SPMIP7: variants seen among roughly 807,000 people sequenced by gnomAD.
The protein encoded by SPMIP7 is sperm microtubule inner protein 7.
the SPMIP7 span, chr7:50,096,083 G>T: frequency 6.8e-7 from 1 of 1,463,836 alleles, no homozygotes; most frequent in Non-Finnish European, 9.0e-7. Context: ...AAAGAAAAAG[G>T]CCATGGATGT....
At chr7:50,111,274 A>C in the SPMIP7 span, among the ~76,000 whole-genome samples, 1 of 151,976 alleles carries the variant, frequency 6.6e-6, no homozygotes, top group African/African-American at 2.4e-5. Context: ...CTGCACAGAG[A>C]GGCTTCCTGG....
chr7:50,157,764 G>A, the SPMIP7 span, among the ~76,000 whole-genome samples: 1 of 152,176 alleles, frequency 6.6e-6, no homozygotes, highest in Non-Finnish European at 1.5e-5. Context: ...GGCTTGTGGG[G>A]TTGCTCATAA....
At chr7:50,129,652 C>T in the SPMIP7 span, 6 of 1,105,382 alleles carry the variant, frequency 5.4e-6, no homozygotes, top group Non-Finnish European at 8.0e-6. Flanking sequence ...AACATGATGA[C>T]TAGAAAACAA....
At chr7:50,144,219 A>G in the SPMIP7 span, among the ~76,000 whole-genome samples, 1 of 152,330 alleles carries the variant, frequency 6.6e-6, no homozygotes, top group East Asian at 1.9e-4. Flanking sequence ...ACTTTTTTCC[A>G]AAAGTGTTCA....
chr7:50,126,509 G>T, the SPMIP7 span, among the ~76,000 whole-genome samples: 1 of 151,396 alleles, frequency 6.6e-6, no homozygotes, highest in Non-Finnish European at 1.5e-5. Flanking sequence ...ATAAAAGAGG[G>T]AGTACTTCTC....
At chr7:50,119,676 A>G in the SPMIP7 span, among the ~76,000 whole-genome samples, 1 of 152,238 alleles carries the variant, frequency 6.6e-6, no homozygotes, top group Non-Finnish European at 1.5e-5. Flanking sequence ...ATGCTTATTG[A>G]AAACAATACT....
chr7:50,108,288 A>G, the SPMIP7 span, among the ~76,000 whole-genome samples: 1 of 152,232 alleles, frequency 6.6e-6, no homozygotes, highest in Non-Finnish European at 1.5e-5. Context: ...AATAGCCACT[A>G]GAAAGTGAAG....
the SPMIP7 span, among the ~76,000 whole-genome samples, chr7:50,133,182 G>A: frequency 6.6e-6 from 1 of 152,012 alleles, no homozygotes. Context: ...ATATATGCCT[G>A]TGAAAGAACA....
At chr7:50,137,811 T>C in the SPMIP7 span, among the ~76,000 whole-genome samples, 1 of 152,216 alleles carries the variant, frequency 6.6e-6, no homozygotes, top group African/African-American at 2.4e-5. Context: ...CATCTGTAAC[T>C]TGCCTGCTTA....
At chr7:50,097,117 A>G in the SPMIP7 span, among the ~76,000 whole-genome samples, 2 of 152,206 alleles carry the variant, frequency 1.3e-5, no homozygotes, top group African/African-American at 2.4e-5. Flanking sequence ...CTCTGCATAA[A>G]TAGCTCCACA....
chr7:50,118,373 A>G, the SPMIP7 span, among the ~76,000 whole-genome samples: 3 of 152,228 alleles, frequency 2.0e-5, no homozygotes, highest in African/African-American at 4.8e-5. Flanking sequence ...GGTAACTGTT[A>G]TCAAATTGAT....
At chr7:50,118,937 T>C in the SPMIP7 span, among the ~76,000 whole-genome samples, 31 of 152,190 alleles carry the variant, frequency 2.0e-4, no homozygotes, top group Non-Finnish European at 3.5e-4. Flanking sequence ...TAGAACCTCG[T>C]GTATCTTCCA....
chr7:50,106,189 G>T, the SPMIP7 span, among the ~76,000 whole-genome samples: 1 of 152,114 alleles, frequency 6.6e-6, no homozygotes, highest in Non-Finnish European at 1.5e-5. Flanking sequence ...AAATTACTGG[G>T]CCAACAAGAG....
the SPMIP7 span, among the ~76,000 whole-genome samples, chr7:50,139,272 C>T: frequency 6.6e-6 from 1 of 151,112 alleles, no homozygotes; most frequent in Non-Finnish European, 1.5e-5. Context: ...TCACTTGAAC[C>T]CGGGAGACGG....
chr7:50,117,714 G>T, the SPMIP7 span, among the ~76,000 whole-genome samples: 4 of 152,086 alleles, frequency 2.6e-5, no homozygotes, highest in African/African-American at 7.2e-5. Context: ...TACCAGGCAG[G>T]GTATGATCTT....
chr7:50,132,722 T>A, the SPMIP7 span, among the ~76,000 whole-genome samples: 29 of 152,328 alleles, frequency 1.9e-4, no homozygotes, highest in Non-Finnish European at 4.1e-4. Context: ...TCTATGACAC[T>A]AATTTTAAGA....
At chr7:50,141,633 GA>G in the SPMIP7 span, 59 of 353,576 alleles carry the variant, frequency 1.7e-4, no homozygotes, top group Non-Finnish European at 2.3e-4. Context: ...AAACTTGTGA[GA>G]AAAAAAATGC....
At chr7:50,129,789 CAAAAG>C in the SPMIP7 span, 2 of 1,539,834 alleles carry the variant, frequency 1.3e-6, no homozygotes, top group Non-Finnish European at 1.8e-6. Flanking sequence ...GTCCTCTACA[CAAAAG>C]TAAGCAGTTT....
the SPMIP7 span, among the ~76,000 whole-genome samples, chr7:50,145,628 A>G: frequency 3.5e-3 from 285 of 81,650 alleles, 21 homozygotes; most frequent in African/African-American, 9.2e-3. Flanking sequence ...GTATATATAT[A>G]TATATATATA....
Sources: allele counts gnomAD v4.1 joint callset (sites outside exome capture counted in the v4.1 genomes callset), GRCh38; gene constraint gnomAD v4.1.1; transcripts MANE v1.5; gene names NCBI Gene and HGNC (gene_info 2026-07-23, HGNC 2026-07-21).